ABCA10: variants seen among roughly 807,000 people sequenced by gnomAD.
The protein encoded by ABCA10 is ATP-binding cassette sub-family A member 10.
In ABCA10, 169 loss-of-function variants were observed where a neutral mutation model predicts 187.5. That is an observed-to-expected ratio of 0.90 (90% CI 0.80 to 1.02). The LOEUF (loss-of-function observed/expected upper bound fraction) is 1.02. Among genes scored for constraint, ABCA10 ranks in the 50% least tolerant of loss-of-function variants. ABCA10 has a pLI of 0.00. For synonymous variants in ABCA10, 574 were observed against 601.8 expected, an observed-to-expected ratio of 0.95 and a Z score of 0.68; for missense variants, 1,727 against 1,812.4, an observed-to-expected ratio of 0.95 and a Z score of 0.86.
chr17:69,206,817 G>A (rs1020723505), intron 9 of ABCA10, among the ~76,000 whole-genome samples: 8 of 152,116 alleles, frequency 5.3e-5, no homozygotes, highest in African/African-American at 1.9e-4. Flanking sequence ...AAAACTACTA[G>A]AAGGAAACGG....
chr17:69,178,166 A>C (rs4968846), intron 22 of ABCA10, among the ~76,000 whole-genome samples: 3 of 151,004 alleles, frequency 2.0e-5, no homozygotes, highest in Non-Finnish European at 4.4e-5. Context: ...GGAACAGATG[A>C]CACGTAGCTT....
intron 9 of ABCA10, among the ~76,000 whole-genome samples, chr17:69,204,418 C>G (rs1172239089): frequency 6.6e-6 from 1 of 152,148 alleles, no homozygotes. Context: ...GTTTTCAAGA[C>G]TCTTTAAGAT....
chr17:69,196,227 G>A (rs1041507123), intron 11 of ABCA10: 38 of 160,812 alleles, frequency 2.4e-4, no homozygotes, highest in Admixed American at 1.4e-3. Flanking sequence ...GGCGGCTGCC[G>A]GGCGGAGATG....
chr17:69,237,226 C>T (rs1187833567), intron 1 of ABCA10, among the ~76,000 whole-genome samples: 3 of 152,160 alleles, frequency 2.0e-5, no homozygotes, highest in African/African-American at 7.2e-5. Flanking sequence ...AGAAAGAAAA[C>T]CCTAAACGTA....
At position 69,156,993 on chromosome 17, in the gene ABCA10, C is replaced by T. The variant is rs149686884; in HGVS notation, c.3364-70G>A. The T allele has an allele frequency of 5.5e-5, 51 of 933,824 alleles. No homozygotes were observed. The East Asian group carries it at 1.5e-3, about 28-fold the overall frequency. The allele number at this position is 933,824 out of a possible 1,614,324, so 57.8% of individuals were successfully genotyped here. On this transcript the variant is annotated intron_variant, in intron 27 of 38. Transcript: ENST00000690296. ...TCACACTCAATGGTGAATATTTGTC[C>T]ATTTTTTTGTCACAGAAGATTTGAT...
intron 20 of ABCA10, among the ~76,000 whole-genome samples, chr17:69,184,766 C>T (rs1427508044): frequency 1.3e-5 from 2 of 151,936 alleles, no homozygotes; most frequent in Admixed American, 6.6e-5. Flanking sequence ...TATAGCAGCA[C>T]AGTTCACAAT....
chr17:69,183,662 C>A (rs770153743), intron 20 of ABCA10, among the ~76,000 whole-genome samples: 1 of 151,926 alleles, frequency 6.6e-6, no homozygotes, highest in Non-Finnish European at 1.5e-5. Context: ...GAAAGCCAAG[C>A]GAAATATAGG....
chr17:69,223,633 A>G (rs753127027), intron 3 of ABCA10: 4 of 439,950 alleles, frequency 9.1e-6, no homozygotes, highest in African/African-American at 8.3e-5. Flanking sequence ...CATACCTTTC[A>G]AAACTCCTCA....
chr17:69,213,553 G>A (rs1408485027), intron 9 of ABCA10, among the ~76,000 whole-genome samples: 1 of 152,176 alleles, frequency 6.6e-6, no homozygotes, highest in Non-Finnish European at 1.5e-5. Context: ...CAGTCAGCAA[G>A]GCCAGTCTCA....
intron 25 of ABCA10, among the ~76,000 whole-genome samples, chr17:69,169,853 G>T (rs1358511709): frequency 5.3e-5 from 8 of 152,106 alleles, no homozygotes; most frequent in Admixed American, 5.2e-4. Context: ...TAAGCTCAGG[G>T]TTTCATCAGC....
chr17:69,185,780 C>G, intron 19 of ABCA10, 137 bp from the exon 20 acceptor site: 1 of 588,528 alleles, frequency 1.7e-6, no homozygotes, highest in Non-Finnish European at 2.8e-6. Flanking sequence ...ATGAAACATA[C>G]AGTGACAGTA....
At chr17:69,215,736 T>A in intron 8 of ABCA10, 79 bp downstream of exon 8, 1 of 1,263,804 alleles carries the variant, frequency 7.9e-7, no homozygotes, top group South Asian at 2.6e-5. Flanking sequence ...ATTATTAAAT[T>A]TCATGAGGCA....
chr17:69,151,025 G>A (rs1438643572), intron 36 of ABCA10, among the ~76,000 whole-genome samples: 1 of 152,022 alleles, frequency 6.6e-6, no homozygotes, highest in East Asian at 1.9e-4. Flanking sequence ...CTAGTTTAAT[G>A]GTCTTCTATA....
At chr17:69,171,126 AGCT>A (rs915112280) in intron 25 of ABCA10, among the ~76,000 whole-genome samples, 12 of 152,172 alleles carry the variant, frequency 7.9e-5, no homozygotes, top group Admixed American at 7.9e-4. Flanking sequence ...ACCAAGTATG[AGCT>A]CCTCTCCCCG....
At chr17:69,176,352 C>G (rs2074333693) in intron 22 of ABCA10, among the ~76,000 whole-genome samples, 1 of 151,716 alleles carries the variant, frequency 6.6e-6, no homozygotes, top group East Asian at 1.9e-4. Context: ...AAACAATTGT[C>G]AAGGCATTGA....
chr17:69,228,378 TCTTTC>T (rs1017566745), intron 1 of ABCA10, among the ~76,000 whole-genome samples, 198 bp downstream of exon 1: 13 of 151,932 alleles, frequency 8.6e-5, no homozygotes, highest in African/African-American at 3.1e-4. Context: ...AATCTAGCCA[TCTTTC>T]ATTTATCACA....
intron 1 of ABCA10, among the ~76,000 whole-genome samples, chr17:69,239,864 C>T (rs536475789): frequency 6.6e-6 from 1 of 152,310 alleles, no homozygotes; most frequent in East Asian, 1.9e-4. Flanking sequence ...TAGTCATCTA[C>T]TGTGTTTTCC....
At chr17:69,211,624 C>CG (rs547917581) in intron 9 of ABCA10, among the ~76,000 whole-genome samples, 18 of 149,228 alleles carry the variant, frequency 1.2e-4, no homozygotes, top group South Asian at 2.1e-4. Flanking sequence ...TCTTTGGGGG[C>CG]GGGGGGGAAT....
At chr17:69,224,529 A>G (rs1274180546) in intron 3 of ABCA10, among the ~76,000 whole-genome samples, 1 of 152,192 alleles carries the variant, frequency 6.6e-6, no homozygotes, top group East Asian at 1.9e-4. Flanking sequence ...TAATGGCAGT[A>G]GAGATATAAA....
Sources: gnomAD v4.1 joint callset for allele counts (sites outside exome capture counted in the v4.1 genomes callset) on GRCh38, gnomAD v4.1.1 for gene constraint, MANE v1.5 for transcripts, NCBI Gene and HGNC (gene_info 2026-07-23, HGNC 2026-07-21) for gene names.